UBE2E2: variants seen among roughly 807,000 people sequenced by gnomAD.
UBE2E2 encodes ubiquitin-conjugating enzyme E2 E2.
A neutral mutation model predicts 24.7 loss-of-function variants in UBE2E2; 6 were observed. The observed-to-expected ratio is 0.24, with a 90% CI of 0.13 to 0.48. The LOEUF (loss-of-function observed/expected upper bound fraction) is 0.48. Among genes scored for constraint, UBE2E2 ranks in the 20% least tolerant of loss-of-function variants. UBE2E2 has a pLI of 0.99. For synonymous variants in UBE2E2, 104 were observed against 83.6 expected (o/e 1.24, Z -1.33); for missense variants, 169 against 245.0 (o/e 0.69, Z 2.07).
intron 3 of UBE2E2, among the ~76,000 whole-genome samples, chr3:23,416,668 C>T (rs1376703604): frequency 6.6e-6 from 1 of 152,128 alleles, no homozygotes; most frequent in African/African-American, 2.4e-5. Context: ...CCATTCTCCC[C>T]GTCACTTTCA....
intron 3 of UBE2E2, among the ~76,000 whole-genome samples, chr3:23,485,500 T>C (rs572106247): frequency 5.8e-4 from 88 of 152,260 alleles, no homozygotes; most frequent in African/African-American, 1.9e-3. Flanking sequence ...TGAACAGGTC[T>C]GACATTTAGC....
chr3:23,471,247 T>C (rs1699028723), intron 3 of UBE2E2, among the ~76,000 whole-genome samples: 1 of 152,178 alleles, frequency 6.6e-6, no homozygotes, highest in South Asian at 2.1e-4. Flanking sequence ...GGAAGAAGAT[T>C]CCTGAAAGAT....
chr3:23,272,959 C>T (rs1466102032), intron 3 of UBE2E2, among the ~76,000 whole-genome samples: 2 of 152,038 alleles, frequency 1.3e-5, no homozygotes, highest in African/African-American at 2.4e-5. Context: ...GCAGGGTCAG[C>T]CTTTTAGTTC....
chr3:23,260,212 T>C (rs1162353705), intron 3 of UBE2E2, among the ~76,000 whole-genome samples: 1 of 152,194 alleles, frequency 6.6e-6, no homozygotes, highest in African/African-American at 2.4e-5. Context: ...GGATATATTA[T>C]GCAATTTAAA....
chr3:23,362,590 C>A (rs1305202049), intron 3 of UBE2E2, among the ~76,000 whole-genome samples: 2 of 152,112 alleles, frequency 1.3e-5, no homozygotes, highest in Non-Finnish European at 2.9e-5. Flanking sequence ...TTGCTATTGT[C>A]CCAGGAAGGA....
chr3:23,521,410 T>C (rs1012020209), intron 4 of UBE2E2, among the ~76,000 whole-genome samples: 6 of 152,262 alleles, frequency 3.9e-5, no homozygotes, highest in Non-Finnish European at 8.8e-5. Flanking sequence ...ATTGTTGTTA[T>C]GTATGAGACA....
At chr3:23,564,712 G>A (rs1696024335) in intron 5 of UBE2E2, among the ~76,000 whole-genome samples, 1 of 152,148 alleles carries the variant, frequency 6.6e-6, no homozygotes, top group African/African-American at 2.4e-5. Context: ...TAGAAAGCCT[G>A]GTGCTTTCCA....
intron 3 of UBE2E2, among the ~76,000 whole-genome samples, chr3:23,245,804 A>T (rs572641352): frequency 6.6e-6 from 1 of 152,166 alleles, no homozygotes; most frequent in Admixed American, 6.5e-5. Context: ...TTTCCTCTTG[A>T]CCTTTGTAAA....
At chr3:23,512,809 G>A (rs1470486075) in intron 4 of UBE2E2, among the ~76,000 whole-genome samples, 1 of 152,088 alleles carries the variant, frequency 6.6e-6, no homozygotes. Flanking sequence ...GCCAGGCGTG[G>A]TGGCGCACGC....
chr3:23,565,443 G>GC (rs1696048446), intron 5 of UBE2E2, among the ~76,000 whole-genome samples: 1 of 77,912 alleles, frequency 1.3e-5, no homozygotes, highest in South Asian at 3.7e-4. Flanking sequence ...AATAGGCATG[G>GC]CTTTTTTTTT....
intron 3 of UBE2E2, among the ~76,000 whole-genome samples, chr3:23,317,917 T>C (rs1694629290): frequency 6.6e-6 from 1 of 151,864 alleles, no homozygotes; most frequent in Admixed American, 6.6e-5. Context: ...CTGTGATCGC[T>C]CACCTGATTT....
intron 1 of UBE2E2, among the ~76,000 whole-genome samples, chr3:23,207,018 A>C (rs966173880): frequency 1.6e-4 from 25 of 152,186 alleles, no homozygotes; most frequent in African/African-American, 6.0e-4. Context: ...AATGGTACTT[A>C]TTAAGTATAG....
chr3:23,533,404 A>G (rs777732659), intron 5 of UBE2E2, among the ~76,000 whole-genome samples: 1 of 152,200 alleles, frequency 6.6e-6, no homozygotes, highest in African/African-American at 2.4e-5. Context: ...TGAGTAATTA[A>G]TAGCTTAAAT....
intron 3 of UBE2E2, among the ~76,000 whole-genome samples, chr3:23,473,367 C>CA (rs1699065495): frequency 6.6e-6 from 1 of 151,724 alleles, no homozygotes; most frequent in Middle Eastern, 3.2e-3. Flanking sequence ...CCCCAGGGGT[C>CA]AAAAAAAGCA....
chr3:23,398,759 G>A (rs983835351), intron 3 of UBE2E2, among the ~76,000 whole-genome samples: 6 of 152,250 alleles, frequency 3.9e-5, no homozygotes, highest in African/African-American at 1.4e-4. Context: ...GGGTTTTATA[G>A]CAGTGCCTTC....
At chr3:23,215,574 G>T (rs1022451929) in intron 2 of UBE2E2, among the ~76,000 whole-genome samples, 1 of 151,832 alleles carries the variant, frequency 6.6e-6, no homozygotes, top group African/African-American at 2.4e-5. Context: ...TTCCCCCTAT[G>T]CCCCTTTAGT....
chr3:23,497,312 T>C (rs1699622546), intron 3 of UBE2E2, among the ~76,000 whole-genome samples: 1 of 152,192 alleles, frequency 6.6e-6, no homozygotes, highest in African/African-American at 2.4e-5. Context: ...ATGAAAAATA[T>C]GCGAGAACTG....
intron 3 of UBE2E2, among the ~76,000 whole-genome samples, chr3:23,308,135 T>G (rs1470305862): frequency 2.0e-5 from 3 of 152,212 alleles, no homozygotes; most frequent in Admixed American, 6.6e-5. Flanking sequence ...AGATCTTAGC[T>G]CCATTACCTT....
intron 3 of UBE2E2, among the ~76,000 whole-genome samples, chr3:23,433,903 G>A (rs1000977818): frequency 3.3e-5 from 5 of 151,784 alleles, no homozygotes; most frequent in East Asian, 1.9e-4. Flanking sequence ...AAGTTACCTC[G>A]TTTGTAAGGG....
Sources: allele counts gnomAD v4.1 joint callset (sites outside exome capture counted in the v4.1 genomes callset), GRCh38; gene constraint gnomAD v4.1.1; transcripts MANE v1.5; gene names NCBI Gene and HGNC (gene_info 2026-07-23, HGNC 2026-07-21).